The following TRMT10A variants were observed in gnomAD, a reference collection of about 807,000 sequenced individuals.
TRMT10A encodes tRNA methyltransferase 10 homolog A.
TRMT10A carries 37 observed loss-of-function variants against 40.4 expected under a neutral mutation model. The ratio of observed to expected loss-of-function variants is 0.92; its 90% confidence interval spans 0.71 to 1.21. The LOEUF (loss-of-function observed/expected upper bound fraction) is 1.21, where lower values mean the gene tolerates loss of function less well. TRMT10A is among the 50% of genes most tolerant of loss of function. TRMT10A has a pLI of 0.00. For missense variants in TRMT10A, 388 were observed against 404.3 expected (o/e 0.96, Z 0.35); for synonymous variants, 103 against 134.1 (o/e 0.77, Z 1.60).
chr4:99,555,295 T>C (rs1007140932), intron 5 of TRMT10A, among the ~76,000 whole-genome samples: 1 of 152,206 alleles, frequency 6.6e-6, no homozygotes, highest in Non-Finnish European at 1.5e-5. Flanking sequence ...GCCTTTGTTA[T>C]GGAATTAGTG....
intron 3 of TRMT10A, chr4:99,557,764 G>A: frequency 2.4e-6 from 1 of 414,610 alleles, no homozygotes; most frequent in Non-Finnish European, 4.3e-6. Flanking sequence ...AGATCTTTAT[G>A]ATCAATAAGT....
chr4:99,558,644 A>C (rs1724261464), intron 2 of TRMT10A, among the ~76,000 whole-genome samples: 1 of 152,104 alleles, frequency 6.6e-6, no homozygotes, highest in Admixed American at 6.6e-5. Context: ...ATTTACACCA[A>C]CTACAGTTTA....
chr4:99,557,215 A>AT, intron 4 of TRMT10A, 130 bp downstream of exon 4: 2 of 773,146 alleles, frequency 2.6e-6, no homozygotes, highest in Non-Finnish European at 3.9e-6. Context: ...TGTCAAAAAA[A>AT]TTTTTTTCAC....
chr4:99,560,394 C>T (rs1413958317), intron 1 of TRMT10A, among the ~76,000 whole-genome samples: 2 of 152,028 alleles, frequency 1.3e-5, no homozygotes, highest in African/African-American at 2.4e-5. Flanking sequence ...AAGAGACAAA[C>T]TCCAGATTAT....
Position 99,549,094 on chromosome 4 carries a change from T to G in TRMT10A, c.1014A>C (p.Pro338=). Residue 338 remains proline, a synonymous_variant, in exon 8 of 8, where the codon CCA becomes CCC. Transcript: ENST00000394876. The stretch of plus-strand genomic sequence containing the variant: ...AAAAGGAAACCAGGTAACATTAGTG[T>G]GGCAGAGAGTTCACTGTAGATTCAG... ...NHTESTVNSL[P]H is the part of the protein sequence containing the mutation. 3 of 1,613,732 alleles carry G rather than the reference T, an allele frequency of 1.9e-6. No individual in the cohort carries two copies. The highest frequency in any genetic ancestry group is 2.5e-6 in the Non-Finnish European group (3 of 1,179,642).
intron 7 of TRMT10A, 72 bp downstream of exon 7, chr4:99,550,813 A>G (rs994542092): frequency 1.8e-6 from 2 of 1,100,398 alleles, no homozygotes; most frequent in Non-Finnish European, 2.7e-6. Context: ...CTACTTGTTC[A>G]AATACTAAAT....
chr4:99,549,448 G>T lies in TRMT10A; in HGVS notation c.752-92C>A, dbSNP rs1723879102. ...AAAATACATTGCCTTTGTGTTAAGA[G>T]TGCTAGTTTGTCCTAATAACTACTT... On this transcript the variant is annotated intron_variant, in intron 7 of 7. Transcript: ENST00000394876. 2.7e-6 allele frequency: 4 copies of T among 1,477,014 alleles called. No homozygotes were observed. In the Admixed American group the frequency reaches 7.6e-5, roughly 28 times the overall value. 91.5% of individuals were successfully genotyped at this position (1,477,014 alleles called of 1,614,324 possible).
chr4:99,553,875 G>A lies in TRMT10A; in HGVS notation c.555C>T (p.Tyr185=), dbSNP rs775452453. 2 of 1,613,338 alleles carry A rather than the reference G, an allele frequency of 1.2e-6. No individual in the cohort carries two copies. The highest frequency in any genetic ancestry group is 8.5e-7 in the Non-Finnish European group (1 of 1,179,736). Residue 185 remains tyrosine, a synonymous_variant, in exon 6 of 8, where the codon TAC becomes TAT. Transcript: ENST00000394876. ...SELIKKEDLI[Y]LTSDSPNILK... ...GTATATTAGGTGAATCTGACGTAAG[G>A]TAAATCAGGTCTTCTTTCTTTATGA...
At chr4:99,558,412 C>T (rs1724253557) in intron 2 of TRMT10A, among the ~76,000 whole-genome samples, 1 of 151,978 alleles carries the variant, frequency 6.6e-6, no homozygotes. Flanking sequence ...AATGAGCTTC[C>T]AAAAATGATC....
chr4:99,556,293 C>T, intron 4 of TRMT10A, 73 bp from the exon 5 acceptor site: 1 of 1,312,062 alleles, frequency 7.6e-7, no homozygotes, highest in Non-Finnish European at 1.1e-6. Context: ...TTTCTCTCAT[C>T]TACTTATCTG....
At chr4:99,554,084 TTAC>T (rs1724066825) in intron 5 of TRMT10A, 150 bp from the exon 6 acceptor site, 38 of 747,616 alleles carry the variant, frequency 5.1e-5, no homozygotes, top group Non-Finnish European at 7.2e-5. Context: ...TATTTTGAAT[TTAC>T]TACATCAATT....
intron 5 of TRMT10A, among the ~76,000 whole-genome samples, chr4:99,555,825 C>G (rs1030986371): frequency 1.3e-5 from 2 of 152,164 alleles, no homozygotes; most frequent in Admixed American, 6.5e-5. Context: ...AGAGTGACTT[C>G]ATTTTTATAG....
rs889057851 is a variant in TRMT10A at position 99,553,827 on chromosome 4, C to T, written c.603G>A (p.Lys201=). Residue 201 remains lysine (K), a synonymous_variant, in exon 6 of 8, where the codon AAG becomes AAA. Coordinates refer to ENST00000394876, the MANE Select transcript of TRMT10A (RefSeq NM_001134665.3). ...PNILKELDES[K]AYVIGGLVDH... ...CTACTAATCCTCCAATCACATAGGC[C>T]TTTGATTCATCTAATTCCTTCAGTA... 1 of 1,613,282 alleles carries T rather than the reference C, an allele frequency of 6.2e-7. No individual in the cohort carries two copies. Among genetic ancestry groups the T allele is most frequent in the Non-Finnish European group, 8.5e-7 (1 of 1,179,706 alleles).
chr4:99,561,004 G>A (rs1212100705), intron 1 of TRMT10A, among the ~76,000 whole-genome samples: 2 of 149,976 alleles, frequency 1.3e-5, no homozygotes, highest in Admixed American at 6.6e-5. Context: ...AGGCTGGAGT[G>A]CAGTGGCGCG....
chr4:99,557,767 C>G (rs28500697), intron 3 of TRMT10A: 29 of 410,470 alleles, frequency 7.1e-5, no homozygotes, highest in Non-Finnish European at 8.6e-6. Flanking sequence ...TCTTTATGAT[C>G]AATAAGTAGT....
rs954464397 is a variant in TRMT10A at position 99,547,328 on chromosome 4, G to C, written c.*1760C>G. 1 of 152,086 alleles carries C rather than the reference G, an allele frequency of 6.6e-6. No individual in the cohort carries two copies. The highest frequency in any genetic ancestry group is 1.5e-5 in the Non-Finnish European group (1 of 68,032). 9.4% of individuals were successfully genotyped at this position (152,086 alleles called of 1,614,324 possible). On this transcript the variant is annotated 3_prime_UTR_variant, in exon 8 of 8. Coordinates refer to ENST00000394876, the MANE Select transcript of TRMT10A (RefSeq NM_001134665.3). ...ATGGCACTGGGACATTGTGAGTCTG[G>C]ACATTTAGTCTCTGGAACTGTTAAG...
In TRMT10A at chr4:99,548,975, T is replaced by C. The variant is rs1054730; in HGVS notation, c.*113A>G. The C allele has an allele frequency of 0.25, 306,819 of 1,215,742 alleles. 40,502 individuals carry two copies. The highest frequency in any genetic ancestry group is 0.34 in the Middle Eastern group (1,169 of 3,470). The allele number at this position is 1,215,742 out of a possible 1,614,324, so 75.3% of individuals were successfully genotyped here. A position where few individuals can be genotyped will look rare whatever the true frequency, so the allele number is the denominator to read the frequency against. Reference sequence around the variant, plus strand: ...TTATTTAGGTCCAAAAAAAAGTTTTTAAAAATCACAACAGAAATAAGAGAA... The same window carrying C: ...TTATTTAGGTCCAAAAAAAAGTTTTCAAAAATCACAACAGAAATAAGAGAA... On this transcript the variant is annotated 3_prime_UTR_variant, in exon 8 of 8. Coordinates refer to ENST00000394876, the MANE Select transcript of TRMT10A (RefSeq NM_001134665.3).
chr4:99,563,640 T>G (rs1371896925), intron 1 of TRMT10A: 1 of 293,608 alleles, frequency 3.4e-6, no homozygotes, highest in East Asian at 9.6e-5. Context: ...CCTCGCCCAC[T>G]ATCCCTTCTA....
intron 3 of TRMT10A, chr4:99,557,637 T>C: frequency 2.2e-6 from 1 of 456,150 alleles, no homozygotes; most frequent in Non-Finnish European, 3.9e-6. Flanking sequence ...ATATTTTGTA[T>C]TTATTTAAAA....
Sources: gnomAD v4.1 joint callset for allele counts (sites outside exome capture counted in the v4.1 genomes callset) on GRCh38, gnomAD v4.1.1 for gene constraint, MANE v1.5 for transcripts, NCBI Gene and HGNC (gene_info 2026-07-23, HGNC 2026-07-21) for gene names.